ERICH5: variants seen among roughly 807,000 people sequenced by gnomAD.
ERICH5 encodes the protein glutamate-rich protein 5.
Under a neutral mutation model 28.0 loss-of-function variants are expected in ERICH5, and 24 were observed. That is an observed-to-expected ratio of 0.86 (90% CI 0.62 to 1.21). The LOEUF (loss-of-function observed/expected upper bound fraction) is 1.21. Ranked by LOEUF, ERICH5 falls within the 50% of genes most tolerant of loss-of-function variation. ERICH5 has a pLI of 0.00. For synonymous variants in ERICH5, 163 were observed against 157.6 expected (o/e 1.03, Z -0.25); for missense variants, 421 against 441.2 (o/e 0.95, Z 0.41).
At chr8:98,077,205 C>A (rs370761415) in intron 1 of ERICH5, among the ~76,000 whole-genome samples, 1 of 152,188 alleles carries the variant, frequency 6.6e-6, no homozygotes, top group African/African-American at 2.4e-5. Context: ...CCACACAAAG[C>A]TCCAGGCTCA....
intron 1 of ERICH5, 83 bp downstream of exon 1, chr8:98,064,810 C>G: frequency 8.9e-7 from 1 of 1,122,868 alleles, no homozygotes; most frequent in Non-Finnish European, 1.2e-6. Context: ...GGGTGTGTCC[C>G]GTGGCCACCC....
chr8:98,066,181 G>A (rs905069959), intron 1 of ERICH5, among the ~76,000 whole-genome samples: 4 of 152,170 alleles, frequency 2.6e-5, no homozygotes, highest in African/African-American at 7.2e-5. Context: ...GAGTTTCTCC[G>A]ATGTTTCGAT....
chr8:98,065,735 C>T (rs1041661612), intron 1 of ERICH5, among the ~76,000 whole-genome samples: 1 of 152,208 alleles, frequency 6.6e-6, no homozygotes, highest in African/African-American at 2.4e-5. Flanking sequence ...CAAACTCCGT[C>T]AAGCTAGTTT....
chr8:98,081,947 C>T (rs1159029626), intron 1 of ERICH5, among the ~76,000 whole-genome samples: 1 of 151,886 alleles, frequency 6.6e-6, no homozygotes, highest in Non-Finnish European at 1.5e-5. Flanking sequence ...AAAAAAATTC[C>T]CCTATACTGT....
intron 1 of ERICH5, among the ~76,000 whole-genome samples, chr8:98,064,955 T>C (rs1447354116): frequency 6.6e-6 from 1 of 152,148 alleles, no homozygotes; most frequent in Admixed American, 6.5e-5. Context: ...CGGCGCTCGC[T>C]GCGAGACGCG....
chr8:98,071,072 T>C (rs1001130572), intron 1 of ERICH5, among the ~76,000 whole-genome samples: 6 of 152,160 alleles, frequency 3.9e-5, no homozygotes, highest in Non-Finnish European at 7.4e-5. Flanking sequence ...AAGACCAGCC[T>C]GGCCAACATG....
chr8:98,064,733 C>A lies in ERICH5; in HGVS notation c.58+6C>A. The A allele has an allele frequency of 6.5e-7, 1 of 1,528,662 alleles. No homozygotes were observed. Among genetic ancestry groups the A allele is most frequent in the Non-Finnish European group, 8.8e-7 (1 of 1,140,956 alleles). The allele number at this position is 1,528,662 out of a possible 1,614,324, so 94.7% of individuals were successfully genotyped here. A position where few individuals can be genotyped will look rare whatever the true frequency, so the allele number is the denominator to read the frequency against. On this transcript the variant is annotated splice_donor_region_variant and intron_variant, in intron 1 of 2. Coordinates refer to ENST00000318528, the MANE Select transcript of ERICH5 (RefSeq NM_173549.3). ...CAGCAGCAGGTTCCCCAGCGGTGAG[C>A]AGGGTACCGGCGCCGCCCGCGCCCG...
chr8:98,085,183 C>T lies in ERICH5; in HGVS notation c.59-3893C>T, dbSNP rs142545069. Among the ~76,000 whole-genome samples the T allele has an allele frequency of 9.1e-3, 651 of 71,490 alleles. 24 individuals are homozygous for T. In the East Asian group the frequency reaches 0.15, roughly 16 times the overall value. The allele number at this position is 71,490 out of a possible 152,430, so 46.9% of individuals were successfully genotyped here. On this transcript the variant is annotated intron_variant, in intron 1 of 2. Transcript: ENST00000318528. ...TTTTTTTTTTTTTTTTTTTTTGAGACGGAGTCTTACTCTGTCGCCCAGGCT... is the reference window on the plus strand; with the variant it reads ...TTTTTTTTTTTTTTTTTTTTTGAGATGGAGTCTTACTCTGTCGCCCAGGCT...
intron 1 of ERICH5, among the ~76,000 whole-genome samples, chr8:98,079,199 CTCTG>C (rs1815126144): frequency 8.7e-6 from 1 of 115,222 alleles, no homozygotes; most frequent in African/African-American, 3.5e-5. Context: ...GAGACAGGGT[CTCTG>C]TCTGTTGCCC....
In ERICH5 at chr8:98,089,661, C is replaced by G; in HGVS notation, c.644C>G (p.Ala215Gly). The change falls in exon 2 of 3, where the codon GCC becomes GGC. Residue 215 changes from alanine to glycine, a missense_variant. Coordinates refer to ENST00000318528, the MANE Select transcript of ERICH5 (RefSeq NM_173549.3). ...GGCACAGTGGGAAAGGATGAGCAGG[C>G]CCCGCTTCTAGAAACAATTTCCAAA... is the stretch of plus-strand genomic sequence containing the variant. The part of the protein sequence containing the change: ...PQGTVGKDEQ[A>G]PLLETISKEN... The G allele has an allele frequency of 6.2e-7, 1 of 1,614,084 alleles. No individual in the cohort carries two copies.
rs537905733 is a variant in ERICH5, at chr8:98,080,102, T to A, written c.59-8974T>A. On this transcript the variant is annotated intron_variant, in intron 1 of 2. Transcript: ENST00000318528. ...CCCTTGCAGATGCACCAAGGCTGCATGCAGTTCTGCCCCGTGCAGTGAGAA... is the reference window on the plus strand; with the variant it reads ...CCCTTGCAGATGCACCAAGGCTGCAAGCAGTTCTGCCCCGTGCAGTGAGAA... Among the ~76,000 whole-genome samples the A allele has an allele frequency of 2.6e-5, 4 of 152,366 alleles. No homozygotes were observed. The South Asian group carries it at 8.3e-4, about 32-fold the overall frequency.
In ERICH5 at chr8:98,081,859, C is replaced by T. The variant is rs141636847; in HGVS notation, c.59-7217C>T. On this transcript the variant is annotated intron_variant, in intron 1 of 2. Transcript: ENST00000318528. ...AGGAGAATTGCTTGTACCCAGGAGG[C>T]GGAGGTTGCAGTGAGCTGAGATTGC... Among the ~76,000 whole-genome samples, 39 of 151,618 alleles carry T rather than the reference C, an allele frequency of 2.6e-4. No individual in the cohort carries two copies. In the Middle Eastern group the frequency reaches 0.01, roughly 40 times the overall value.
chr8:98,078,343 A>G (rs1385415738), intron 1 of ERICH5, among the ~76,000 whole-genome samples: 1 of 152,210 alleles, frequency 6.6e-6, no homozygotes, highest in Non-Finnish European at 1.5e-5. Context: ...GACTCGTGCT[A>G]CATTCTTGGT....
intron 1 of ERICH5, among the ~76,000 whole-genome samples, chr8:98,080,972 G>A (rs1815173578): frequency 6.6e-6 from 1 of 151,848 alleles, no homozygotes; most frequent in South Asian, 2.1e-4. Flanking sequence ...CAAAGTGCTG[G>A]GATTACAGGC....
chr8:98,079,166 C>CTTTTTT (rs528062932), intron 1 of ERICH5, among the ~76,000 whole-genome samples: 5 of 75,574 alleles, frequency 6.6e-5, no homozygotes, highest in Admixed American at 1.5e-4. Flanking sequence ...TTTTTTTTTC[C>CTTTTTT]TTTTTTTTTT....
chr8:98,079,695 A>AT (rs1463258754), intron 1 of ERICH5, among the ~76,000 whole-genome samples: 2 of 152,046 alleles, frequency 1.3e-5, no homozygotes, highest in Non-Finnish European at 2.9e-5. Flanking sequence ...ATCCACCACC[A>AT]GCCCGGCTAA....
chr8:98,068,215 G>A (rs1428278524), intron 1 of ERICH5, among the ~76,000 whole-genome samples: 1 of 152,056 alleles, frequency 6.6e-6, no homozygotes. Flanking sequence ...GGTTGCACAG[G>A]AATAATCTAT....
intron 2 of ERICH5, among the ~76,000 whole-genome samples, chr8:98,092,063 A>G (rs1163082303): frequency 9.4e-6 from 1 of 106,414 alleles, no homozygotes; most frequent in South Asian, 3.3e-4. Context: ...CAGTGATGCA[A>G]TCACAGCTCA....
intron 1 of ERICH5, among the ~76,000 whole-genome samples, chr8:98,086,679 G>A (rs557819701): frequency 3.9e-4 from 59 of 152,214 alleles, no homozygotes; most frequent in African/African-American, 1.4e-3. Flanking sequence ...GGCCGGGTGC[G>A]GTGGCTCACG....
Sources: allele counts gnomAD v4.1 joint callset (sites outside exome capture counted in the v4.1 genomes callset), GRCh38; gene constraint gnomAD v4.1.1; transcripts MANE v1.5; gene names NCBI Gene and HGNC (gene_info 2026-07-23, HGNC 2026-07-21).